The following DYM variants were observed in gnomAD, a reference collection of about 807,000 sequenced individuals.
DYM encodes dymeclin.
In DYM, 78 loss-of-function variants were observed where a neutral mutation model predicts 93.1. The ratio of observed to expected loss-of-function variants is 0.84; its 90% CI spans 0.70 to 1.01. The LOEUF is 1.01. Ranked by LOEUF, DYM falls within the 50% of genes least tolerant of loss-of-function variation. The pLI, the probability that DYM is intolerant of heterozygous loss-of-function variation, is 0.00. For synonymous variants in DYM, 321 were observed against 319.7 expected (o/e 1.00, Z -0.04); for missense variants, 789 against 845.0 (o/e 0.93, Z 0.82).
chr18:49,065,761 G>A (rs2076338899), intron 17 of DYM, among the ~76,000 whole-genome samples: 1 of 151,842 alleles, frequency 6.6e-6, no homozygotes, highest in Admixed American at 6.6e-5. Context: ...ACTAAAATTA[G>A]TTCCACAATC....
At chr18:49,326,251 T>C (rs907435020) in intron 8 of DYM, among the ~76,000 whole-genome samples, 2 of 152,214 alleles carry the variant, frequency 1.3e-5, no homozygotes, top group African/African-American at 4.8e-5. Context: ...TTCTAATTAG[T>C]AAAGTAATAT....
intron 8 of DYM, among the ~76,000 whole-genome samples, chr18:49,317,625 C>CCTA (rs2062083303): frequency 1.2e-4 from 3 of 24,282 alleles, no homozygotes; most frequent in Non-Finnish European, 2.6e-4. Context: ...CCCTCCCTCC[C>CCTA]TCCCTCTCCT....
chr18:49,176,192 AC>A (rs1264251229), intron 14 of DYM, among the ~76,000 whole-genome samples: 1 of 152,212 alleles, frequency 6.6e-6, no homozygotes, highest in Admixed American at 6.5e-5. Context: ...ATGGCTAACA[AC>A]TTAAAAAATG....
intron 3 of DYM, among the ~76,000 whole-genome samples, chr18:49,381,710 G>A (rs2068056007): frequency 6.6e-6 from 1 of 152,184 alleles, no homozygotes; most frequent in South Asian, 2.1e-4. Flanking sequence ...CTGCTGGCTG[G>A]AGAATCCCAC....
At chr18:49,094,397 CTT>C (rs1052070396) in intron 17 of DYM, among the ~76,000 whole-genome samples, 2 of 152,180 alleles carry the variant, frequency 1.3e-5, no homozygotes, top group Admixed American at 6.5e-5. Flanking sequence ...GACATACTAA[CTT>C]TATTTATTTC....
At chr18:49,257,911 C>G (rs1411208440) in intron 12 of DYM, among the ~76,000 whole-genome samples, 2 of 151,998 alleles carry the variant, frequency 1.3e-5, no homozygotes, top group African/African-American at 4.8e-5. Flanking sequence ...CACTGCTTCT[C>G]TTTAATAATA....
intron 16 of DYM, among the ~76,000 whole-genome samples, chr18:49,105,727 T>A (rs1054038226): frequency 6.6e-6 from 1 of 152,230 alleles, no homozygotes; most frequent in African/African-American, 2.4e-5. Flanking sequence ...TTTGAGTGAG[T>A]TTCTTAATCC....
intron 17 of DYM, among the ~76,000 whole-genome samples, chr18:49,045,387 C>G (rs2071343722): frequency 6.6e-6 from 1 of 152,212 alleles, no homozygotes; most frequent in African/African-American, 2.4e-5. Flanking sequence ...ATCAATGAAG[C>G]AATCAACCAA....
chr18:49,044,098 C>T lies in DYM; in HGVS notation c.2132G>A (p.Trp711Ter), dbSNP rs2071148101. The T allele has an allele frequency of 6.2e-7, 1 of 1,613,946 alleles. No homozygotes were observed. The highest frequency in any genetic ancestry group is 8.5e-7 in the Non-Finnish European group (1 of 1,180,022). Residue 711 changes from tryptophan to a stop codon, truncating the protein, a stop_gained, in exon 18 of 18, where the codon TGG becomes TAG. Coordinates refer to ENST00000675505, the MANE Select transcript of DYM (RefSeq NM_001353214.3). LOFTEE classifies it high-confidence loss of function. ...GAACAGCTGGATGTCCTGTGGATTC[C>T]AGTACAGGCCGACTGCTGAGTTGTA... Reference protein sequence around the residue: ...LVYNSAVGLYWNPQDIQLFTM... With the variant: ...LVYNSAVGLY
intron 17 of DYM, among the ~76,000 whole-genome samples, chr18:49,086,766 T>C (rs2078573259): frequency 6.6e-6 from 1 of 151,984 alleles, no homozygotes; most frequent in African/African-American, 2.4e-5. Flanking sequence ...GGTGGGTGGA[T>C]CACCTGAGGT....
intron 17 of DYM, among the ~76,000 whole-genome samples, chr18:49,064,498 T>C (rs944435615): frequency 3.3e-5 from 5 of 152,218 alleles, no homozygotes; most frequent in African/African-American, 9.7e-5. Context: ...TATGACTTCA[T>C]ACTCCCTAAA....
At chr18:49,112,212 C>T (rs1353174511) in intron 16 of DYM, among the ~76,000 whole-genome samples, 1 of 149,480 alleles carries the variant, frequency 6.7e-6, no homozygotes, top group Non-Finnish European at 1.5e-5. Context: ...GGGAATGATG[C>T]TACGCATTTT....
chr18:49,242,665 A>C lies in DYM; in HGVS notation c.1460+14345T>G, dbSNP rs182853525. Among the ~76,000 whole-genome samples the C allele has an allele frequency of 5.9e-5, 9 of 152,274 alleles. 1 individual carries two copies. The highest frequency in any genetic ancestry group is 2.2e-4 in the African/African-American group (9 of 41,548). On this transcript the variant is annotated intron_variant, in intron 13 of 17. Transcript: ENST00000675505. ...AGGTCACTGAAAGGGAAGTACACCC[A>C]AAAACGTCAAGTTATAACTAGCGTT...
chr18:49,401,172 T>C (rs2070771714), intron 2 of DYM, among the ~76,000 whole-genome samples: 1 of 152,224 alleles, frequency 6.6e-6, no homozygotes, highest in Non-Finnish European at 1.5e-5. Flanking sequence ...CCAGGTCAAT[T>C]TGAAAACTGT....
At chr18:49,242,995 C>T (rs937553482) in intron 13 of DYM, among the ~76,000 whole-genome samples, 4 of 152,164 alleles carry the variant, frequency 2.6e-5, no homozygotes, top group African/African-American at 7.2e-5. Context: ...CCACCGCACC[C>T]GGCCTATACC....
intron 17 of DYM, among the ~76,000 whole-genome samples, chr18:49,063,783 T>G (rs1662116): frequency 1.3e-5 from 2 of 152,084 alleles, no homozygotes; most frequent in African/African-American, 2.4e-5. Context: ...CCTGCCACTA[T>G]GCCTGGTTAA....
chr18:49,073,700 C>G (rs909680745), intron 17 of DYM, among the ~76,000 whole-genome samples: 2 of 152,194 alleles, frequency 1.3e-5, no homozygotes, highest in Admixed American at 6.5e-5. Flanking sequence ...GAGGCTGAGG[C>G]TAATTTCACC....
intron 17 of DYM, among the ~76,000 whole-genome samples, chr18:49,050,247 C>T (rs763220120): frequency 2.0e-5 from 3 of 151,730 alleles, no homozygotes; most frequent in South Asian, 4.2e-4. Context: ...CCACCATGCC[C>T]GGCTAGTTTT....
intron 8 of DYM, among the ~76,000 whole-genome samples, chr18:49,307,711 G>A (rs1210832750): frequency 1.3e-5 from 2 of 152,082 alleles, no homozygotes; most frequent in African/African-American, 2.4e-5. Flanking sequence ...ACTTAGATCA[G>A]AACAAACAAC....
Sources: gnomAD v4.1 joint callset for allele counts (sites outside exome capture counted in the v4.1 genomes callset) on GRCh38, gnomAD v4.1.1 for gene constraint, MANE v1.5 for transcripts, NCBI Gene and HGNC (gene_info 2026-07-23, HGNC 2026-07-21) for gene names.